GUCA1B: variants seen among roughly 807,000 people sequenced by gnomAD.
The protein encoded by GUCA1B is guanylate cyclase activator 1B, also known as guanylyl cyclase-activating protein 2.
A neutral mutation model predicts 24.2 loss-of-function variants in GUCA1B; 22 were observed. That is an observed-to-expected ratio of 0.91 (90% CI 0.65 to 1.30). The LOEUF (loss-of-function observed/expected upper bound fraction) is 1.30. Ranked by LOEUF, GUCA1B falls within the 50% of genes most tolerant of loss-of-function variation. GUCA1B has a pLI of 0.00. For missense variants in GUCA1B, 221 were observed against 258.8 expected, an observed-to-expected ratio of 0.85 and a Z score of 1.00; for synonymous variants, 100 against 97.9, an observed-to-expected ratio of 1.02 and a Z score of -0.13.
intron 1 of GUCA1B, among the ~76,000 whole-genome samples, 181 bp from the exon 2 acceptor site, chr6:42,188,912 C>CTATCTAT: frequency 1.2e-5 from 1 of 85,134 alleles, no homozygotes; most frequent in African/African-American, 7.5e-5. Context: ...ATATCTATAT[C>CTATCTAT]ATCTCTCTCT....
intron 1 of GUCA1B, among the ~76,000 whole-genome samples, chr6:42,192,126 C>T (rs181744484): frequency 2.7e-4 from 41 of 149,802 alleles, no homozygotes; most frequent in Non-Finnish European, 3.8e-4. Context: ...GAGACCGAGG[C>T]GGGTGGATCA....
chr6:42,185,806 G>T lies in GUCA1B; in HGVS notation c.358-9C>A. On this transcript the variant is annotated splice_polypyrimidine_tract_variant and intron_variant, in intron 2 of 3. Coordinates refer to ENST00000230361, the MANE Select transcript of GUCA1B (RefSeq NM_002098.6). ...TTCAGCTGGTAAATTCCCTGCCAAAGAAAACTCAGCTGCATTGACGGGAGA... is the reference window on the plus strand; with the variant it reads ...TTCAGCTGGTAAATTCCCTGCCAAATAAAACTCAGCTGCATTGACGGGAGA... 6.4e-7 allele frequency: 1 copy of T among 1,564,628 alleles called. No homozygotes were observed. Among genetic ancestry groups the T allele is most frequent in the Non-Finnish European group, 8.8e-7 (1 of 1,135,540 alleles).
At chr6:42,188,293 C>CGTGTGTGT (rs151241798) in intron 2 of GUCA1B, among the ~76,000 whole-genome samples, 33 of 143,664 alleles carry the variant, frequency 2.3e-4, no homozygotes, top group South Asian at 2.0e-3. Flanking sequence ...AGATACTTGT[C>CGTGTGTGT]GTGTGTGTGT....
chr6:42,184,746 G>C lies in GUCA1B; in HGVS notation c.*69C>G. The C allele has an allele frequency of 6.7e-7, 1 of 1,489,000 alleles. No homozygotes were observed. Among genetic ancestry groups the C allele is most frequent in the Non-Finnish European group, 9.4e-7 (1 of 1,068,478 alleles). 92.2% of individuals were successfully genotyped at this position (1,489,000 alleles called of 1,614,324 possible). On this transcript the variant is annotated 3_prime_UTR_variant, in exon 4 of 4. Coordinates refer to ENST00000230361, the MANE Select transcript of GUCA1B (RefSeq NM_002098.6). ...GGGGAAGAGTGGGCATGAGCAGGCT[G>C]AGCCAGGGACCCTCCTACTACCCTG...
Position 42,185,663 on chromosome 6 carries a change from A to C in GUCA1B, c.475+17T>G, listed in dbSNP as rs773595390. ...ATGCAGAGTGGACAGCACTCTCCCC[A>C]TCTCTGCCCCTCTTACCATCTCCAT... On this transcript the variant is annotated intron_variant, in intron 3 of 3. Coordinates refer to ENST00000230361, the MANE Select transcript of GUCA1B (RefSeq NM_002098.6). 6 of 1,414,808 alleles carry C rather than the reference A, an allele frequency of 4.2e-6. No homozygotes were observed. Among genetic ancestry groups the C allele is most frequent in the Middle Eastern group, 1.8e-4 (1 of 5,642 alleles). 87.6% of individuals were successfully genotyped at this position (1,414,808 alleles called of 1,614,324 possible).
At position 42,194,671 on chromosome 6, in the gene GUCA1B, G is replaced by A. The variant is rs142428974; in HGVS notation, c.150C>T (p.Asp50=). ...CTACATACTGGGAGGCCTCCTCATCGTCTGTGACCTTGAAGAAGCGCTTAA... is the reference window on the plus strand; with the variant it reads ...CTACATACTGGGAGGCCTCCTCATCATCTGTGACCTTGAAGAAGCGCTTAA... The part of the protein sequence containing the change: ...HEFKRFFKVT[D]DEEASQYVEG... The change falls in exon 1 of 4, where the codon GAC becomes GAT. Residue 50 remains aspartate, a synonymous_variant. Coordinates refer to ENST00000230361, the MANE Select transcript of GUCA1B (RefSeq NM_002098.6). 138 of 1,613,822 alleles carry A rather than the reference G, an allele frequency of 8.6e-5. No homozygotes were observed. Among genetic ancestry groups the A allele is most frequent in the East Asian group, 4.7e-4 (21 of 44,862 alleles).
intron 2 of GUCA1B, 56 bp from the exon 3 acceptor site, chr6:42,185,853 C>A: frequency 9.8e-7 from 1 of 1,024,482 alleles, no homozygotes; most frequent in South Asian, 1.3e-5. Flanking sequence ...CCACCTTCAC[C>A]CCAGTGACCC....
chr6:42,184,214 T>C lies in GUCA1B; in HGVS notation c.*601A>G, dbSNP rs1192163480. On this transcript the variant is annotated 3_prime_UTR_variant, in exon 4 of 4. Coordinates refer to ENST00000230361, the MANE Select transcript of GUCA1B (RefSeq NM_002098.6). Reference sequence around the variant, plus strand: ...ACGCCATTCTCTTGCCTCAGCCTCCTGAGTAGCTGGGACTACAGGCGCCCG... The same window carrying C: ...ACGCCATTCTCTTGCCTCAGCCTCCCGAGTAGCTGGGACTACAGGCGCCCG... Among the ~76,000 whole-genome samples the C allele has an allele frequency of 6.6e-6, 1 of 152,068 alleles. No individual in the cohort carries two copies. Among genetic ancestry groups the C allele is most frequent in the African/African-American group, 2.4e-5 (1 of 41,414 alleles).
rs1582333078 is a variant in GUCA1B, at chr6:42,190,351, G to A, written c.208-1620C>T. Reference sequence around the variant, plus strand: ...CATGTCTTTAAAAATTAGTTAAAATGTCAACTTCCATTTTTTTTTTTTTTT... The same window carrying A: ...CATGTCTTTAAAAATTAGTTAAAATATCAACTTCCATTTTTTTTTTTTTTT... On this transcript the variant is annotated intron_variant, in intron 1 of 3. Transcript: ENST00000230361. Among the ~76,000 whole-genome samples the A allele has an allele frequency of 3.1e-5, 4 of 130,040 alleles. No individual in the cohort carries two copies. The South Asian group carries it at 9.5e-4, about 31-fold the overall frequency. The allele number at this position is 130,040 out of a possible 152,430, so 85.3% of individuals were successfully genotyped here. A position where few individuals can be genotyped will look rare whatever the true frequency, so the allele number is the denominator to read the frequency against.
At chr6:42,191,756 C>T (rs1051852297) in intron 1 of GUCA1B, among the ~76,000 whole-genome samples, 2 of 152,136 alleles carry the variant, frequency 1.3e-5, no homozygotes, top group Non-Finnish European at 2.9e-5. Flanking sequence ...AATGTTGAAA[C>T]ATGGCAGATA....
rs769645421 is a variant in GUCA1B at position 42,194,606 on chromosome 6, T to C, written c.207+8A>G. The stretch of plus-strand genomic sequence containing the variant: ...TGGCCACTGGTCCTTCCCTTCAGGG[T>C]GCCTTACCCCATTCTTGTCGAAGGC... On this transcript the variant is annotated splice_region_variant and intron_variant, in intron 1 of 3. Coordinates refer to ENST00000230361, the MANE Select transcript of GUCA1B (RefSeq NM_002098.6). 3 of 1,584,062 alleles carry C rather than the reference T, an allele frequency of 1.9e-6. No individual in the cohort carries two copies. The highest frequency in any genetic ancestry group is 2.2e-5 in the South Asian group (2 of 90,432).
At position 42,184,095 on chromosome 6, in the gene GUCA1B, C is replaced by CT. The variant is rs781581603; in HGVS notation, c.*719dup. Among the ~76,000 whole-genome samples, 1,287 of 141,188 alleles carry CT rather than the reference C, an allele frequency of 9.1e-3. 7 individuals carry two copies. Among genetic ancestry groups the CT allele is most frequent in the African/African-American group, 0.017 (623 of 36,146 alleles). The allele number at this position is 141,188 out of a possible 152,430, so 92.6% of individuals were successfully genotyped here. On this transcript the variant is annotated 3_prime_UTR_variant, in exon 4 of 4. Transcript: ENST00000230361. ...AAAACTCCTGCCTTTTCTTTTCTTT[C>CT]TTTTTTTTTTTTTGAGACGGAGTCT...
At position 42,184,288 on chromosome 6, in the gene GUCA1B, ACC is replaced by A. The variant is rs746052096; in HGVS notation, c.*525_*526del. ...GTATTTTTAGTAGAGACGGGGTTTC[ACC>A]CCGTGTTAGCCAGGATGGTCTCGAT... On this transcript the variant is annotated 3_prime_UTR_variant, in exon 4 of 4. Coordinates refer to ENST00000230361, the MANE Select transcript of GUCA1B (RefSeq NM_002098.6). 2.8e-5 allele frequency: 5 copies of A among 176,106 alleles called. No homozygotes were observed. The highest frequency in any genetic ancestry group is 1.4e-4 in the South Asian group (1 of 7,398). The allele number at this position is 176,106 out of a possible 1,614,324, so 10.9% of individuals were successfully genotyped here. A position where few individuals can be genotyped will look rare whatever the true frequency, so the allele number is the denominator to read the frequency against.
rs1271532907 is a variant in GUCA1B at position 42,184,165 on chromosome 6, T to C, written c.*650A>G. ...GTGCAGTGGCGCAATCTCGGCTCACTGTAGGCTCGGCCCCCTGGGGTTCAC... is the reference window on the plus strand; with the variant it reads ...GTGCAGTGGCGCAATCTCGGCTCACCGTAGGCTCGGCCCCCTGGGGTTCAC... On this transcript the variant is annotated 3_prime_UTR_variant, in exon 4 of 4. Transcript: ENST00000230361. Among the ~76,000 whole-genome samples, 7 of 151,742 alleles carry C rather than the reference T, an allele frequency of 4.6e-5. 1 individual carries two copies. The highest frequency in any genetic ancestry group is 1.0e-4 in the Non-Finnish European group (7 of 67,924).
At chr6:42,185,923 A>G (rs1394496997) in intron 2 of GUCA1B, 126 bp from the exon 3 acceptor site, 12 of 720,354 alleles carry the variant, frequency 1.7e-5, no homozygotes, top group Non-Finnish European at 3.0e-5. Flanking sequence ...TTAGGATCAC[A>G]TAATCTGGAT....
intron 1 of GUCA1B, among the ~76,000 whole-genome samples, 184 bp from the exon 2 acceptor site, chr6:42,188,915 C>A (rs1562063712): frequency 7.9e-5 from 11 of 139,648 alleles, no homozygotes; most frequent in African/African-American, 1.7e-4. Flanking sequence ...TCTATATCAT[C>A]TCTCTCTCTC....
In GUCA1B at chr6:42,185,760, A is replaced by G; in HGVS notation, c.395T>C (p.Leu132Pro). ...GAGCAGCTGGCCTTGCTCAGTTTGT[A>G]GCTCTCGCCGGCAGGCTTTCTTCAG... is the stretch of plus-strand genomic sequence containing the variant. ...YQLKKACRRE[L>P]QTEQGQLLTP... The change falls in exon 3 of 4, where the codon CTA (leucine) becomes CCA (proline). Residue 132 changes from leucine (L) to proline (P), a missense_variant. Coordinates refer to ENST00000230361, the MANE Select transcript of GUCA1B (RefSeq NM_002098.6). The G allele has an allele frequency of 1.2e-6, 2 of 1,613,416 alleles. No individual in the cohort carries two copies. The highest frequency in any genetic ancestry group is 1.7e-6 in the Non-Finnish European group (2 of 1,179,568).
At chr6:42,186,508 G>A (rs931160568) in intron 2 of GUCA1B, among the ~76,000 whole-genome samples, 1 of 152,066 alleles carries the variant, frequency 6.6e-6, no homozygotes, top group African/African-American at 2.4e-5. Flanking sequence ...CAGGAGAATC[G>A]CTTGAACCTG....
In GUCA1B at chr6:42,190,649, C is replaced by A. The variant is rs568849661; in HGVS notation, c.208-1918G>T. Among the ~76,000 whole-genome samples, 6 of 152,046 alleles carry A rather than the reference C, an allele frequency of 3.9e-5. No homozygotes were observed. In the East Asian group the frequency reaches 9.7e-4, roughly 24 times the overall value. On this transcript the variant is annotated intron_variant, in intron 1 of 3. Coordinates refer to ENST00000230361, the MANE Select transcript of GUCA1B (RefSeq NM_002098.6). ...ATTTTATGGATGAGGAGCCTGAGAC[C>A]CAGAGGTTCCCAGGCCACCCAGCCA... is the stretch of plus-strand genomic sequence containing the variant.
Sources: gnomAD v4.1 joint callset for allele counts (sites outside exome capture counted in the v4.1 genomes callset) on GRCh38, gnomAD v4.1.1 for gene constraint, MANE v1.5 for transcripts, NCBI Gene and HGNC (gene_info 2026-07-23, HGNC 2026-07-21) for gene names.